Variants in MARCHF11 observed in about 807,000 individuals in gnomAD.
The protein encoded by MARCHF11 is E3 ubiquitin-protein ligase MARCHF11.
Under a neutral mutation model 37.3 loss-of-function variants are expected in MARCHF11, and 29 were observed. The observed-to-expected ratio is 0.78, with a 90% CI of 0.58 to 1.06. MARCHF11 has a LOEUF of 1.06. MARCHF11 is among the 50% of genes least tolerant of loss of function. The pLI is 0.00. For synonymous variants in MARCHF11, 233 were observed against 228.0 expected (o/e 1.02, Z -0.20); for missense variants, 482 against 533.4 (o/e 0.90, Z 0.95).
At chr5:16,123,673 T>C (rs970019573) in intron 2 of MARCHF11, among the ~76,000 whole-genome samples, 5 of 152,158 alleles carry the variant, frequency 3.3e-5, no homozygotes, top group Admixed American at 3.3e-4. Context: ...CTCATTTCTA[T>C]GACAAGCTAT....
At chr5:16,080,905 G>C (rs1282505238) in intron 3 of MARCHF11, among the ~76,000 whole-genome samples, 1 of 152,090 alleles carries the variant, frequency 6.6e-6, no homozygotes. Context: ...GGGGCTTCCT[G>C]AGCATTCAGT....
intron 2 of MARCHF11, among the ~76,000 whole-genome samples, chr5:16,171,112 T>G (rs1190132894): frequency 6.6e-6 from 1 of 152,084 alleles, no homozygotes; most frequent in Non-Finnish European, 1.5e-5. Flanking sequence ...TATTTATTTA[T>G]TTATTATTAT....
intron 2 of MARCHF11, among the ~76,000 whole-genome samples, chr5:16,118,007 G>C (rs924806187): frequency 6.6e-6 from 1 of 152,216 alleles, no homozygotes; most frequent in Non-Finnish European, 1.5e-5. Context: ...TGGGAGTTGA[G>C]ACAGGCTTCT....
At chr5:16,084,932 CAA>C (rs1736670807) in intron 3 of MARCHF11, among the ~76,000 whole-genome samples, 1 of 151,874 alleles carries the variant, frequency 6.6e-6, no homozygotes, top group South Asian at 2.1e-4. Context: ...AAAAGAGCCT[CAA>C]GAGAGATATT....
intron 3 of MARCHF11, among the ~76,000 whole-genome samples, 169 bp downstream of exon 3, chr5:16,090,720 A>C (rs182199004): frequency 6.6e-6 from 1 of 151,874 alleles, no homozygotes; most frequent in African/African-American, 2.4e-5. Flanking sequence ...TATAGATGCT[A>C]TGCTTTCTTA....
chr5:16,175,401 A>G (rs1424467415), intron 2 of MARCHF11, among the ~76,000 whole-genome samples: 1 of 152,172 alleles, frequency 6.6e-6, no homozygotes, highest in Non-Finnish European at 1.5e-5. Flanking sequence ...ATCCAGAAAC[A>G]TGAAGGTGGC....
intron 2 of MARCHF11, among the ~76,000 whole-genome samples, chr5:16,107,208 G>T (rs1263167216): frequency 2.0e-5 from 3 of 152,118 alleles, no homozygotes; most frequent in African/African-American, 7.2e-5. Context: ...TTAGGACCAG[G>T]GCTTATCTGA....
At chr5:16,165,365 C>T (rs1257069489) in intron 2 of MARCHF11, among the ~76,000 whole-genome samples, 1 of 152,048 alleles carries the variant, frequency 6.6e-6, no homozygotes, top group Admixed American at 6.6e-5. Flanking sequence ...TCTTACATTG[C>T]TATAGTCTTA....
chr5:16,120,876 A>G (rs1449331606), intron 2 of MARCHF11, among the ~76,000 whole-genome samples: 1 of 152,186 alleles, frequency 6.6e-6, no homozygotes, highest in Non-Finnish European at 1.5e-5. Context: ...GGCAGCTTCT[A>G]GAGATATGCA....
intron 2 of MARCHF11, among the ~76,000 whole-genome samples, chr5:16,157,562 A>T (rs886283481): frequency 6.6e-6 from 1 of 151,962 alleles, no homozygotes; most frequent in African/African-American, 2.4e-5. Flanking sequence ...GTTTTTGACA[A>T]AGGTTCAAGA....
At chr5:16,173,620 A>G (rs905642625) in intron 2 of MARCHF11, among the ~76,000 whole-genome samples, 15 of 152,312 alleles carry the variant, frequency 9.8e-5, no homozygotes, top group African/African-American at 3.6e-4. Flanking sequence ...GATCCCAGAA[A>G]AAGCAGGGAA....
chr5:16,170,298 G>C (rs1738242476), intron 2 of MARCHF11, among the ~76,000 whole-genome samples: 1 of 152,042 alleles, frequency 6.6e-6, no homozygotes, highest in Admixed American at 6.6e-5. Context: ...TCACACATGG[G>C]TAATTCCACA....
In MARCHF11 at chr5:16,092,169, T is replaced by G. The variant is rs1234197217; in HGVS notation, c.694-1088A>C. Among the ~76,000 whole-genome samples, 4 of 152,136 alleles carry G rather than the reference T, an allele frequency of 2.6e-5. No homozygotes were observed. The South Asian group carries it at 6.2e-4, about 24-fold the overall frequency. On this transcript the variant is annotated intron_variant, in intron 2 of 3. Coordinates refer to ENST00000332432, the MANE Select transcript of MARCHF11 (RefSeq NM_001102562.3). ...TCCCCAAATGGCAAGTTTATGACAC[T>G]GATCCTCTCTCCCTCATTGTCTGTC...
chr5:16,089,332 G>A (rs1250736638), intron 3 of MARCHF11, among the ~76,000 whole-genome samples: 3 of 152,040 alleles, frequency 2.0e-5, no homozygotes, highest in Admixed American at 6.6e-5. Flanking sequence ...TCAATTTGTG[G>A]ATCAATTTTG....
chr5:16,153,822 T>C (rs1447547088), intron 2 of MARCHF11, among the ~76,000 whole-genome samples: 1 of 151,972 alleles, frequency 6.6e-6, no homozygotes, highest in Admixed American at 6.6e-5. Flanking sequence ...TTGTGGTCCA[T>C]GCTATGTAAT....
At chr5:16,155,943 G>C in intron 2 of MARCHF11, among the ~76,000 whole-genome samples, 1 of 151,988 alleles carries the variant, frequency 6.6e-6, no homozygotes, top group South Asian at 2.1e-4. Context: ...GAGCATACTC[G>C]TAACTTCCTA....
intron 2 of MARCHF11, among the ~76,000 whole-genome samples, chr5:16,147,311 T>C (rs1175056834): frequency 3.9e-5 from 6 of 152,162 alleles, no homozygotes; most frequent in Admixed American, 2.6e-4. Flanking sequence ...CTCTGCTAAA[T>C]GCATTATGGG....
intron 2 of MARCHF11, among the ~76,000 whole-genome samples, chr5:16,102,308 A>C (rs1328663938): frequency 1.3e-5 from 2 of 152,192 alleles, no homozygotes; most frequent in African/African-American, 4.8e-5. Flanking sequence ...ACTGATACGT[A>C]CAGGAGGCAG....
At chr5:16,162,327 T>C (rs914037356) in intron 2 of MARCHF11, among the ~76,000 whole-genome samples, 8 of 152,158 alleles carry the variant, frequency 5.3e-5, no homozygotes, top group Middle Eastern at 3.4e-3. Context: ...CAAGGCTTTT[T>C]ACATATTGAT....
Sources: allele counts gnomAD v4.1 joint callset (sites outside exome capture counted in the v4.1 genomes callset), GRCh38; gene constraint gnomAD v4.1.1; transcripts MANE v1.5; gene names NCBI Gene and HGNC (gene_info 2026-07-23, HGNC 2026-07-21).